The following CDH12 variants were observed in gnomAD, a reference collection of about 807,000 sequenced individuals.
CDH12 encodes the protein cadherin-12.
Under a neutral mutation model 74.1 loss-of-function variants are expected in CDH12, and 41 were observed. That is an observed-to-expected ratio of 0.55 (90% CI 0.43 to 0.72). CDH12 has a LOEUF of 0.72. CDH12 is among the 30% of genes least tolerant of loss of function. The pLI is 0.00. For synonymous variants in CDH12, 399 were observed against 355.0 expected (o/e 1.12, Z -1.39); for missense variants, 945 against 977.2 (o/e 0.97, Z 0.44).
chr5:22,228,887 A>G (rs1752286509), intron 3 of CDH12, among the ~76,000 whole-genome samples: 2 of 152,174 alleles, frequency 1.3e-5, no homozygotes, highest in Non-Finnish European at 2.9e-5. Context: ...TAATCAAAGA[A>G]GCACTTTTTG....
intron 4 of CDH12, among the ~76,000 whole-genome samples, chr5:22,198,652 G>T (rs1412958417): frequency 6.6e-6 from 1 of 151,976 alleles, no homozygotes; most frequent in African/African-American, 2.4e-5. Context: ...CAACAATTCT[G>T]CTCTATCTAG....
intron 5 of CDH12, among the ~76,000 whole-genome samples, chr5:22,005,617 T>C (rs529113519): frequency 2.4e-4 from 36 of 152,086 alleles, no homozygotes; most frequent in Non-Finnish European, 4.6e-4. Flanking sequence ...TAATGTATTG[T>C]ATTAAAACAT....
chr5:21,944,344 T>A (rs1438482741), intron 6 of CDH12, among the ~76,000 whole-genome samples: 1 of 152,028 alleles, frequency 6.6e-6, no homozygotes, highest in South Asian at 2.1e-4. Context: ...TCAATCCCAA[T>A]ACATAAAAGG....
intron 3 of CDH12, among the ~76,000 whole-genome samples, chr5:22,242,848 A>T (rs1449233989): frequency 6.6e-6 from 1 of 152,158 alleles, no homozygotes; most frequent in Non-Finnish European, 1.5e-5. Context: ...CTGCAGGACC[A>T]TTCAACTGAG....
At chr5:22,003,824 C>CAAAAAAAA (rs775995801) in intron 5 of CDH12, among the ~76,000 whole-genome samples, 6 of 47,388 alleles carry the variant, frequency 1.3e-4, no homozygotes, top group African/African-American at 3.8e-4. Context: ...CCCGCTTCCA[C>CAAAAAAAA]AAAAAAAAAA....
At chr5:21,962,690 T>G (rs972817130) in intron 6 of CDH12, among the ~76,000 whole-genome samples, 1 of 152,144 alleles carries the variant, frequency 6.6e-6, no homozygotes, top group African/African-American at 2.4e-5. Flanking sequence ...GGCTTCCAGA[T>G]CCTTTTGATC....
intron 1 of CDH12, among the ~76,000 whole-genome samples, chr5:22,642,977 G>T (rs542051658): frequency 1.3e-5 from 2 of 152,200 alleles, no homozygotes; most frequent in African/African-American, 4.8e-5. Context: ...TGTCCAGGAT[G>T]CTCCATAATT....
chr5:22,154,729 C>A (rs1223510243), intron 4 of CDH12, among the ~76,000 whole-genome samples: 1 of 151,882 alleles, frequency 6.6e-6, no homozygotes, highest in African/African-American at 2.4e-5. Flanking sequence ...TTCCACTGAA[C>A]TTCCTTAATC....
At chr5:22,183,417 T>C (rs1255723998) in intron 4 of CDH12, among the ~76,000 whole-genome samples, 1 of 151,976 alleles carries the variant, frequency 6.6e-6, no homozygotes, top group South Asian at 2.1e-4. Context: ...CAGACTACTT[T>C]TAAAATATTT....
intron 2 of CDH12, among the ~76,000 whole-genome samples, chr5:22,477,985 T>C (rs1196693372): frequency 1.3e-5 from 2 of 152,210 alleles, no homozygotes; most frequent in Non-Finnish European, 2.9e-5. Context: ...CAGGTTACTT[T>C]AAACATAAAA....
chr5:22,184,901 T>C (rs781546311), intron 4 of CDH12, among the ~76,000 whole-genome samples: 1 of 152,204 alleles, frequency 6.6e-6, no homozygotes, highest in Admixed American at 6.5e-5. Flanking sequence ...GTTTGTTATG[T>C]AGGTAAACTT....
intron 1 of CDH12, among the ~76,000 whole-genome samples, chr5:22,652,835 GA>G (rs1348576471): frequency 6.6e-6 from 1 of 152,122 alleles, no homozygotes; most frequent in East Asian, 1.9e-4. Flanking sequence ...CATCTGCAAA[GA>G]AACAGTAAGA....
At chr5:22,779,234 G>A (rs936000832) in intron 1 of CDH12, among the ~76,000 whole-genome samples, 11 of 152,092 alleles carry the variant, frequency 7.2e-5, no homozygotes, top group South Asian at 4.1e-4. Flanking sequence ...AACACGAAGC[G>A]AAAATGCAGA....
intron 1 of CDH12, among the ~76,000 whole-genome samples, chr5:22,851,746 G>C (rs953601514): frequency 1.3e-5 from 2 of 152,144 alleles, no homozygotes; most frequent in South Asian, 4.1e-4. Flanking sequence ...CAATTCTGAA[G>C]AGACATTCTG....
intron 6 of CDH12, among the ~76,000 whole-genome samples, chr5:21,931,942 T>C (rs1754858904): frequency 6.6e-6 from 1 of 152,182 alleles, no homozygotes; most frequent in South Asian, 2.1e-4. Flanking sequence ...ATAGCATAAG[T>C]GGTCAAGACT....
chr5:22,645,876 G>T (rs1183457524), intron 1 of CDH12, among the ~76,000 whole-genome samples: 1 of 151,822 alleles, frequency 6.6e-6, no homozygotes, highest in South Asian at 2.1e-4. Context: ...CATATATATT[G>T]TATGTACATT....
chr5:21,854,902 C>A, intron 6 of CDH12, 112 bp from the exon 7 acceptor site: 1 of 839,368 alleles, frequency 1.2e-6, no homozygotes. Context: ...GTCAAGTACA[C>A]CATGAGTACA....
At chr5:21,958,568 C>T (rs1168192316) in intron 6 of CDH12, among the ~76,000 whole-genome samples, 2 of 152,012 alleles carry the variant, frequency 1.3e-5, no homozygotes, top group African/African-American at 2.4e-5. Flanking sequence ...CCCCATCGCT[C>T]GTTTTTGTCA....
At chr5:22,230,463 A>G (rs1290155608) in intron 3 of CDH12, among the ~76,000 whole-genome samples, 1 of 136,766 alleles carries the variant, frequency 7.3e-6, no homozygotes, top group Non-Finnish European at 1.5e-5. Flanking sequence ...TCAAAAAAAG[A>G]GATGTCATAA....
Sources: gnomAD v4.1 joint callset for allele counts (sites outside exome capture counted in the v4.1 genomes callset) on GRCh38, gnomAD v4.1.1 for gene constraint, MANE v1.5 for transcripts, NCBI Gene and HGNC (gene_info 2026-07-23, HGNC 2026-07-21) for gene names.